MROH9: variants seen among roughly 807,000 people sequenced by gnomAD.
The protein encoded by MROH9 is maestro heat-like repeat-containing protein family member 9.
Under a neutral mutation model 98.2 loss-of-function variants are expected in MROH9, and 92 were observed. The ratio of observed to expected loss-of-function variants is 0.94; its 90% CI spans 0.79 to 1.11. MROH9 has a LOEUF of 1.11. MROH9 is among the 50% of genes most tolerant of loss of function. MROH9 has a pLI of 0.00. For missense variants in MROH9, 1,057 were observed against 1,014.8 expected (o/e 1.04, Z -0.57); for synonymous variants, 397 against 368.9 (o/e 1.08, Z -0.87).
At chr1:170,958,900 ACT>A (rs1293676097) in intron 4 of MROH9, among the ~76,000 whole-genome samples, 1 of 151,564 alleles carries the variant, frequency 6.6e-6, no homozygotes, top group African/African-American at 2.4e-5. Context: ...GAATGTAACC[ACT>A]CTTTGCATTA....
In MROH9 at chr1:171,059,401, G is replaced by A. The variant is rs577876054; in HGVS notation, c.2282-2731G>A. On this transcript the variant is annotated intron_variant, in intron 20 of 21. Transcript: ENST00000367759. ...AACTCAAGAAACAATAGATGCTGGC[G>A]AGGCTGTGGAGAAATAGGAATGCTT... Among the ~76,000 whole-genome samples, 226 of 152,270 alleles carry A rather than the reference G, an allele frequency of 1.5e-3. 1 individual carries two copies. Among genetic ancestry groups the A allele is most frequent in the African/African-American group, 4.7e-3 (195 of 41,550 alleles).
chr1:171,004,233 C>T (rs942124770), intron 15 of MROH9, among the ~76,000 whole-genome samples: 2 of 152,188 alleles, frequency 1.3e-5, no homozygotes, highest in African/African-American at 2.4e-5. Context: ...CTGCAAGCCA[C>T]ATTCATGCCC....
chr1:170,937,515 A>ATTTTTT (rs71125282), intron 1 of MROH9, among the ~76,000 whole-genome samples: 8 of 113,550 alleles, frequency 7.0e-5, no homozygotes, highest in Non-Finnish European at 1.0e-4. Flanking sequence ...CATAATCAGT[A>ATTTTTT]TTTTTTTTTT....
chr1:171,041,268 G>A (rs1420199221), intron 20 of MROH9, among the ~76,000 whole-genome samples: 1 of 150,488 alleles, frequency 6.6e-6, no homozygotes, highest in Admixed American at 6.6e-5. Context: ...TTTCACTGAG[G>A]CTAATGGCCT....
At chr1:170,954,673 T>A (rs1165619485) in intron 3 of MROH9, among the ~76,000 whole-genome samples, 6 of 152,224 alleles carry the variant, frequency 3.9e-5, no homozygotes, top group African/African-American at 1.4e-4. Flanking sequence ...CACCAACTCT[T>A]ATTATCTTTC....
At chr1:171,022,707 T>C (rs1652560016) in intron 17 of MROH9, among the ~76,000 whole-genome samples, 2 of 152,008 alleles carry the variant, frequency 1.3e-5, no homozygotes, top group Non-Finnish European at 2.9e-5. Context: ...ATGGCACACA[T>C]AGACCTTTGT....
At position 171,024,300 on chromosome 1, in the gene MROH9, TGG is replaced by T. The variant is rs35342779; in HGVS notation, c.1909-92_1909-91del. Reference sequence around the variant, plus strand: ...CATATACATATATAGTATATTTATATGGGGTGTGTGTGTGTGTGTGTGTGTGT... The same window carrying T: ...CATATACATATATAGTATATTTATATGGTGTGTGTGTGTGTGTGTGTGTGT... On this transcript the variant is annotated intron_variant, in intron 17 of 21. Coordinates refer to ENST00000367759, the MANE Select transcript of MROH9 (RefSeq NM_001163629.2). 112 of 637,812 alleles carry T rather than the reference TGG, an allele frequency of 1.8e-4. No homozygotes were observed. In the African/African-American group the frequency reaches 4.1e-3, roughly 23 times the overall value. 39.5% of individuals were successfully genotyped at this position (637,812 alleles called of 1,614,324 possible).
chr1:170,987,326 C>G (rs994305244), intron 10 of MROH9, among the ~76,000 whole-genome samples: 1 of 152,026 alleles, frequency 6.6e-6, no homozygotes, highest in African/African-American at 2.4e-5. Flanking sequence ...ATTGAAATCC[C>G]CTGTGTATCC....
Position 170,998,234 on chromosome 1 carries a change from G to A in MROH9, c.1556G>A (p.Arg519Lys). ...LYKLSVEGPR[R>K]SEDTVIVLIF... ...AAGCTCTCAGTAGAAGGTCCTAGAA[G>A]GTCAGAAGACACTGTCATCGTATTA... Residue 519 changes from arginine to lysine, a missense_variant, in exon 15 of 22, where the codon AGG becomes AAG. Arg to Lys is a conservative substitution (Grantham distance 26). Transcript: ENST00000367759. 8 of 1,613,370 alleles carry A rather than the reference G, an allele frequency of 5.0e-6. No individual in the cohort carries two copies. The highest frequency in any genetic ancestry group is 6.8e-6 in the Non-Finnish European group (8 of 1,179,566).
chr1:170,988,339 C>A (rs528987439), intron 10 of MROH9, among the ~76,000 whole-genome samples: 4 of 152,096 alleles, frequency 2.6e-5, no homozygotes, highest in African/African-American at 4.8e-5. Context: ...TTATATAGAA[C>A]TCTCAATGCT....
At chr1:170,979,517 A>G (rs1226675420) in intron 8 of MROH9, among the ~76,000 whole-genome samples, 1 of 152,226 alleles carries the variant, frequency 6.6e-6, no homozygotes, top group African/African-American at 2.4e-5. Context: ...ATATATTCAA[A>G]TATTAATCCA....
chr1:170,950,477 A>G (rs1649506871), intron 3 of MROH9, among the ~76,000 whole-genome samples: 1 of 151,692 alleles, frequency 6.6e-6, no homozygotes, highest in Non-Finnish European at 1.5e-5. Flanking sequence ...CTGTATATAT[A>G]CCTTAGAGGC....
intron 15 of MROH9, among the ~76,000 whole-genome samples, chr1:171,013,283 G>A (rs375985788): frequency 1.4e-4 from 21 of 152,264 alleles, no homozygotes; most frequent in East Asian, 1.4e-3. Flanking sequence ...GCTGCACAGC[G>A]GGAAGTGAGC....
intron 20 of MROH9, among the ~76,000 whole-genome samples, chr1:171,056,407 A>G (rs1653837953): frequency 6.6e-6 from 1 of 151,990 alleles, no homozygotes. Context: ...ACTGACCCTG[A>G]CTCATCCTTC....
intron 3 of MROH9, among the ~76,000 whole-genome samples, chr1:170,954,946 C>A (rs1417485456): frequency 6.6e-6 from 1 of 151,878 alleles, no homozygotes; most frequent in Non-Finnish European, 1.5e-5. Flanking sequence ...ATATTTATAG[C>A]CTTTATCCCT....
chr1:171,032,280 C>T (rs1164090416), intron 20 of MROH9, among the ~76,000 whole-genome samples: 5 of 152,290 alleles, frequency 3.3e-5, no homozygotes, highest in Non-Finnish European at 5.9e-5. Context: ...CTACTACTGT[C>T]GATTCATCCA....
chr1:171,016,293 T>G lies in MROH9; in HGVS notation c.1865T>G (p.Leu622Trp). ...GAACTGGACAAAGTGACCTACTCTTTGGGTACCAGAATTGGTTCCAGCTAC... is the reference window on the plus strand; with the variant it reads ...GAACTGGACAAAGTGACCTACTCTTGGGGTACCAGAATTGGTTCCAGCTAC... ...LNELDKVTYS[L>W]GTRIGSSYCT... Residue 622 changes from leucine to tryptophan, a missense_variant, in exon 17 of 22, where the codon TTG becomes TGG. Transcript: ENST00000367759. The G allele has an allele frequency of 6.5e-7, 1 of 1,537,062 alleles. No individual in the cohort carries two copies. The highest frequency in any genetic ancestry group is 2.5e-5 in the East Asian group (1 of 39,988).
rs1004803436 is a variant in MROH9, at chr1:170,988,600, A to G, written c.880-1255A>G. Among the ~76,000 whole-genome samples the G allele has an allele frequency of 3.3e-5, 5 of 152,332 alleles. No homozygotes were observed. In the South Asian group the frequency reaches 1.0e-3, roughly 32 times the overall value. ...ATGAACAAAATGGGCTCCTCAATTT[A>G]TGACCCAACCCCAGCTCCCACAAGC... On this transcript the variant is annotated intron_variant, in intron 10 of 21. Transcript: ENST00000367759.
chr1:171,001,438 A>G (rs1374855609), intron 15 of MROH9, among the ~76,000 whole-genome samples: 1 of 152,038 alleles, frequency 6.6e-6, no homozygotes, highest in Non-Finnish European at 1.5e-5. Flanking sequence ...GTTTTGATAC[A>G]TTGTGTCATT....
Sources: gnomAD v4.1 joint callset for allele counts (sites outside exome capture counted in the v4.1 genomes callset) on GRCh38, gnomAD v4.1.1 for gene constraint, MANE v1.5 for transcripts, NCBI Gene and HGNC (gene_info 2026-07-23, HGNC 2026-07-21) for gene names.